Variants in TTC29 observed in about 807,000 individuals in gnomAD.
The protein encoded by TTC29 is tetratricopeptide repeat protein 29.
Under a neutral mutation model 58.1 loss-of-function variants are expected in TTC29, and 49 were observed. The ratio of observed to expected loss-of-function variants is 0.84; its 90% CI spans 0.67 to 1.07. The LOEUF is 1.07. Among genes scored for constraint, TTC29 ranks in the 50% least tolerant of loss-of-function variants. The pLI, the probability that TTC29 is intolerant of heterozygous loss-of-function variation, is 0.00. For synonymous variants in TTC29, 209 were observed against 196.8 expected (o/e 1.06, Z -0.52); for missense variants, 582 against 555.6 (o/e 1.05, Z -0.48).
intron 11 of TTC29, among the ~76,000 whole-genome samples, chr4:146,781,105 T>C (rs1748561887): frequency 6.6e-6 from 1 of 152,028 alleles, no homozygotes; most frequent in Admixed American, 6.6e-5. Flanking sequence ...CCAGACATGC[T>C]TTGTTATAAA....
chr4:146,754,095 T>C (rs1045844224), intron 11 of TTC29, among the ~76,000 whole-genome samples: 2 of 151,564 alleles, frequency 1.3e-5, no homozygotes, highest in African/African-American at 4.8e-5. Context: ...AAAAATATTT[T>C]GGTAAATCTG....
intron 6 of TTC29, among the ~76,000 whole-genome samples, chr4:146,884,767 C>T (rs1731868301): frequency 2.0e-5 from 3 of 152,016 alleles, no homozygotes; most frequent in African/African-American, 7.2e-5. Context: ...CTACAGAGAG[C>T]TTTGGTCATG....
chr4:146,896,629 T>G (rs1414593639), intron 6 of TTC29, among the ~76,000 whole-genome samples: 1 of 152,214 alleles, frequency 6.6e-6, no homozygotes, highest in Non-Finnish European at 1.5e-5. Context: ...ATTTGATTAT[T>G]GTCTCATTTC....
At chr4:146,789,594 C>T (rs1749278807) in intron 11 of TTC29, among the ~76,000 whole-genome samples, 1 of 152,140 alleles carries the variant, frequency 6.6e-6, no homozygotes, top group African/African-American at 2.4e-5. Flanking sequence ...TTTTTAACTT[C>T]AATGTCATTT....
At chr4:146,887,604 T>C (rs539192804) in intron 6 of TTC29, among the ~76,000 whole-genome samples, 2 of 152,270 alleles carry the variant, frequency 1.3e-5, no homozygotes, top group South Asian at 2.1e-4. Context: ...AATTAGGGTT[T>C]AGACTAGATT....
At chr4:146,898,563 G>C (rs1388573675) in intron 6 of TTC29, among the ~76,000 whole-genome samples, 3 of 152,164 alleles carry the variant, frequency 2.0e-5, no homozygotes, top group Admixed American at 6.6e-5. Flanking sequence ...AGTCATACAG[G>C]AGGGTCTTCC....
chr4:146,909,359 A>G, intron 4 of TTC29, 110 bp from the exon 5 acceptor site: 2 of 828,416 alleles, frequency 2.4e-6, no homozygotes, highest in Non-Finnish European at 3.7e-6. Flanking sequence ...TTTATCCCTC[A>G]GTGAAAGCAC....
intron 11 of TTC29, among the ~76,000 whole-genome samples, chr4:146,803,229 A>G (rs749461670): frequency 6.6e-6 from 1 of 152,058 alleles, no homozygotes; most frequent in Non-Finnish European, 1.5e-5. Context: ...GAGAATGGTG[A>G]TTTATCAGGT....
At chr4:146,941,485 G>A (rs1736383926) in intron 2 of TTC29, among the ~76,000 whole-genome samples, 1 of 152,146 alleles carries the variant, frequency 6.6e-6, no homozygotes, top group Non-Finnish European at 1.5e-5. Flanking sequence ...GGTAAATAGG[G>A]AGAAAGACAC....
At chr4:146,908,975 A>G in intron 5 of TTC29, 51 bp downstream of exon 5, 1 of 1,476,922 alleles carries the variant, frequency 6.8e-7, no homozygotes. Flanking sequence ...TTCCCCCAGG[A>G]GCTCGGTGTT....
At position 146,890,522 on chromosome 4, in the gene TTC29, G is replaced by C. The variant is rs575398575; in HGVS notation, c.586+13022C>G. 5.9e-5 allele frequency among the ~76,000 whole-genome samples: 9 copies of C among 152,296 alleles called. No individual in the cohort carries two copies. In the East Asian group the frequency reaches 1.7e-3, roughly 30 times the overall value. On this transcript the variant is annotated intron_variant, in intron 6 of 12. Coordinates refer to ENST00000325106, the MANE Select transcript of TTC29 (RefSeq NM_031956.4). The stretch of plus-strand genomic sequence containing the variant: ...GAATCACAGACACGGTTACAAGTGA[G>C]GTGCACCTGGGAGCCCGTGCCCATG...
chr4:146,882,692 A>G (rs1731711027), intron 6 of TTC29, among the ~76,000 whole-genome samples: 1 of 152,120 alleles, frequency 6.6e-6, no homozygotes. Flanking sequence ...ATGTGAGCAA[A>G]GAGAAAGGTG....
Position 146,833,819 on chromosome 4 carries a change from T to C in TTC29, c.964A>G (p.Lys322Glu). ...SLGRGYEAIA[K>E]VLQSQGEMTE... ...GTGCTAACTTACCTCTGCAGGACCT[T>C]GGCTATGGCTTCATAGCCTCTCCCC... is the stretch of plus-strand genomic sequence containing the variant. The change falls in exon 9 of 13, where the codon AAG becomes GAG. Residue 322 changes from lysine (K) to glutamate (E), a missense_variant. Coordinates refer to ENST00000325106, the MANE Select transcript of TTC29 (RefSeq NM_031956.4). The C allele has an allele frequency of 6.2e-7, 1 of 1,612,770 alleles. No homozygotes were observed. The highest frequency in any genetic ancestry group is 1.1e-5 in the South Asian group (1 of 91,050).
At chr4:146,870,163 G>T (rs1280305755) in intron 7 of TTC29, among the ~76,000 whole-genome samples, 1 of 152,054 alleles carries the variant, frequency 6.6e-6, no homozygotes, top group Non-Finnish European at 1.5e-5. Context: ...CCATTGAAAA[G>T]GTGGTATTCA....
chr4:146,914,498 T>C (rs920332419), intron 4 of TTC29, among the ~76,000 whole-genome samples: 2 of 152,020 alleles, frequency 1.3e-5, no homozygotes, highest in Non-Finnish European at 2.9e-5. Context: ...TGGATGAAAA[T>C]AGAGAATGCT....
chr4:146,854,083 G>A (rs979590549), intron 8 of TTC29, among the ~76,000 whole-genome samples: 6 of 152,082 alleles, frequency 3.9e-5, no homozygotes, highest in Admixed American at 2.0e-4. Flanking sequence ...TTCCTAGAGC[G>A]TCCCAGCAGG....
chr4:146,855,945 C>A (rs1729823379), intron 8 of TTC29, among the ~76,000 whole-genome samples: 1 of 152,194 alleles, frequency 6.6e-6, no homozygotes, highest in Admixed American at 6.5e-5. Context: ...TTCGCAGCCT[C>A]TAGATCAACG....
chr4:146,709,103 A>T (rs1416320501), intron 11 of TTC29, among the ~76,000 whole-genome samples: 1 of 152,098 alleles, frequency 6.6e-6, no homozygotes, highest in Non-Finnish European at 1.5e-5. Flanking sequence ...TCACTGTACT[A>T]CTACTTTCTT....
chr4:146,740,325 T>C (rs1021890069), intron 11 of TTC29, among the ~76,000 whole-genome samples: 1 of 152,124 alleles, frequency 6.6e-6, no homozygotes, highest in African/African-American at 2.4e-5. Context: ...ATGCTTTTAT[T>C]GTAGCTCAAG....
Sources: gnomAD v4.1 joint callset for allele counts (sites outside exome capture counted in the v4.1 genomes callset) on GRCh38, gnomAD v4.1.1 for gene constraint, MANE v1.5 for transcripts, NCBI Gene and HGNC (gene_info 2026-07-23, HGNC 2026-07-21) for gene names.